KAT2B: variants seen among roughly 807,000 people sequenced by gnomAD.
KAT2B encodes histone acetyltransferase KAT2B.
In KAT2B, 36 loss-of-function variants were observed where a neutral mutation model predicts 105.9. That is an observed-to-expected ratio of 0.34 (90% CI 0.26 to 0.45). KAT2B has a LOEUF of 0.45. Among genes scored for constraint, KAT2B ranks in the 20% least tolerant of loss-of-function variants. The pLI, the probability that KAT2B is intolerant of heterozygous loss-of-function variation, is 1.00. For synonymous variants in KAT2B, 397 were observed against 377.9 expected (o/e 1.05, Z -0.59); for missense variants, 820 against 1,021.6 (o/e 0.80, Z 2.69).
rs749809492 is a variant in KAT2B at position 20,101,401 on chromosome 3, G to A, written c.784G>A (p.Ala262Thr). The change falls in exon 5 of 18, where the codon GCA becomes ACA. Residue 262 changes from alanine (A) to threonine (T), a missense_variant. This residue lies in a region of KAT2B where 173 missense variants were observed against 249.5 expected (regional missense o/e 0.69). Coordinates refer to ENST00000263754, the MANE Select transcript of KAT2B (RefSeq NM_003884.5). ...CCGCATCAACTATTGGCATCTGGAG[G>A]CACCATCTCAACGAAGACTGCGATC... ...LNRINYWHLE[A>T]PSQRRLRSPN... The A allele has an allele frequency of 1.9e-6, 3 of 1,614,008 alleles. No homozygotes were observed. The highest frequency in any genetic ancestry group is 2.2e-5 in the East Asian group (1 of 44,866).
intron 1 of KAT2B, among the ~76,000 whole-genome samples, chr3:20,061,927 C>CATAAT (rs1559513815): frequency 2.1e-5 from 2 of 96,130 alleles, no homozygotes; most frequent in Non-Finnish European, 3.8e-5. Flanking sequence ...TATTATATAT[C>CATAAT]ATATATAAAA....
rs192151902 is a variant in KAT2B, at chr3:20,141,413, C to T, written c.2004+1049C>T. Among the ~76,000 whole-genome samples, 271 of 151,974 alleles carry T rather than the reference C, an allele frequency of 1.8e-3. 5 individuals are homozygous for T. Among genetic ancestry groups the T allele is most frequent in the Non-Finnish European group, 1.1e-3 (72 of 67,926 alleles). On this transcript the variant is annotated intron_variant, in intron 13 of 17. Coordinates refer to ENST00000263754, the MANE Select transcript of KAT2B (RefSeq NM_003884.5). ...ATGAAAAGAACAGAACTGGGGAGTA[C>T]ACAAAGGCCATTTATTGAAAGAAAG...
intron 11 of KAT2B, among the ~76,000 whole-genome samples, chr3:20,132,915 G>A (rs758847449): frequency 3.9e-5 from 6 of 152,136 alleles, no homozygotes; most frequent in East Asian, 1.9e-4. Context: ...ATCGACATCC[G>A]TGTTAAAGTG....
At chr3:20,074,426 C>T (rs1484510574) in intron 2 of KAT2B, among the ~76,000 whole-genome samples, 1 of 152,088 alleles carries the variant, frequency 6.6e-6, no homozygotes, top group African/African-American at 2.4e-5. Flanking sequence ...TTTTTCAACT[C>T]TGAAATGGGT....
At chr3:20,148,587 G>A (rs1699817041) in intron 17 of KAT2B, 100 bp downstream of exon 17, 2 of 848,482 alleles carry the variant, frequency 2.4e-6, no homozygotes, top group Admixed American at 5.0e-5. Context: ...TCTGCTTAGG[G>A]TAGGAAGTGT....
At chr3:20,089,399 C>CTT (rs60958319) in intron 2 of KAT2B, among the ~76,000 whole-genome samples, 14 of 124,056 alleles carry the variant, frequency 1.1e-4, no homozygotes, top group Middle Eastern at 3.6e-3. Flanking sequence ...GTCTTCTTCA[C>CTT]TTTTTTTTTT....
Position 20,119,741 on chromosome 3 carries a change from GA to G in KAT2B, c.1276+19del, listed in dbSNP as rs771014472. The G allele has an allele frequency of 9.9e-6, 16 of 1,613,470 alleles. No individual in the cohort carries two copies. Among genetic ancestry groups the G allele is most frequent in the Non-Finnish European group, 1.3e-5 (15 of 1,179,622 alleles). The stretch of plus-strand genomic sequence containing the variant: ...AAACCCAGGTAAGCTCTTAAGAGGG[GA>G]TAAGAGAGGGCTGTGACTTGCTCCA... On this transcript the variant is annotated intron_variant, in intron 8 of 17. Transcript: ENST00000263754.
At chr3:20,109,340 A>T (rs6788814) in intron 5 of KAT2B, among the ~76,000 whole-genome samples, 2 of 151,976 alleles carry the variant, frequency 1.3e-5, no homozygotes, top group South Asian at 2.1e-4. Flanking sequence ...TCAGTGTCTC[A>T]TTCTGTCACT....
At chr3:20,090,798 A>G (rs1361131455) in intron 2 of KAT2B, among the ~76,000 whole-genome samples, 2 of 152,120 alleles carry the variant, frequency 1.3e-5, no homozygotes, top group Admixed American at 1.3e-4. Flanking sequence ...ATAGTGGCAC[A>G]AGCATGGGTC....
intron 5 of KAT2B, among the ~76,000 whole-genome samples, chr3:20,104,879 GTTGTTTTT>G (rs891345939): frequency 6.7e-5 from 6 of 89,946 alleles, no homozygotes; most frequent in Middle Eastern, 5.4e-3. Flanking sequence ...TTCTTTTTTT[GTTGTTTTT>G]TTGTTTTTTT....
intron 11 of KAT2B, among the ~76,000 whole-genome samples, chr3:20,129,359 C>G (rs1416240444): frequency 4.0e-5 from 6 of 148,258 alleles, no homozygotes; most frequent in Non-Finnish European, 7.4e-5. Context: ...ACATTACATT[C>G]TTTGTTCTGT....
At chr3:20,062,742 G>A (rs1044382192) in intron 1 of KAT2B, among the ~76,000 whole-genome samples, 3 of 151,858 alleles carry the variant, frequency 2.0e-5, no homozygotes, top group Non-Finnish European at 2.9e-5. Flanking sequence ...GATTACAGGC[G>A]TGAGTCACCG....
intron 1 of KAT2B, among the ~76,000 whole-genome samples, chr3:20,049,670 G>C (rs1196932470): frequency 2.0e-5 from 3 of 151,472 alleles, no homozygotes; most frequent in African/African-American, 7.3e-5. Flanking sequence ...TATGTTCAAA[G>C]GATTTTCTAG....
rs560649021 is a variant in KAT2B at position 20,041,938 on chromosome 3, A to C, written c.303+1158A>C. ...GCAGGAGCTTCTCAGTCACAATGGA[A>C]TGTCTATGCTTGCTCTTTTTCCACA... On this transcript the variant is annotated intron_variant, in intron 1 of 17. Coordinates refer to ENST00000263754, the MANE Select transcript of KAT2B (RefSeq NM_003884.5). Among the ~76,000 whole-genome samples, 5 of 152,316 alleles carry C rather than the reference A, an allele frequency of 3.3e-5. No individual in the cohort carries two copies. The East Asian group carries it at 9.6e-4, about 29-fold the overall frequency.
chr3:20,104,715 C>T (rs1291021965), intron 5 of KAT2B, among the ~76,000 whole-genome samples: 1 of 152,142 alleles, frequency 6.6e-6, no homozygotes, highest in African/African-American at 2.4e-5. Flanking sequence ...TGAAGTTAAA[C>T]AGGATTCTTT....
chr3:20,142,030 C>T (rs550681379), intron 13 of KAT2B, among the ~76,000 whole-genome samples: 13 of 152,298 alleles, frequency 8.5e-5, no homozygotes, highest in African/African-American at 2.9e-4. Flanking sequence ...GCCATCACCC[C>T]GCTGTCAGCT....
At chr3:20,120,326 T>C (rs1310115632) in intron 8 of KAT2B, among the ~76,000 whole-genome samples, 1 of 151,972 alleles carries the variant, frequency 6.6e-6, no homozygotes, top group African/African-American at 2.4e-5. Context: ...CTCCTGGGTT[T>C]AAGTGACTCT....
intron 2 of KAT2B, among the ~76,000 whole-genome samples, chr3:20,082,722 G>A (rs943259123): frequency 6.6e-6 from 1 of 152,156 alleles, no homozygotes; most frequent in African/African-American, 2.4e-5. Context: ...TGCCAACGTA[G>A]ATATGGCTTT....
chr3:20,053,412 GTAGTCC>G (rs1181878059), intron 1 of KAT2B, among the ~76,000 whole-genome samples: 1 of 152,194 alleles, frequency 6.6e-6, no homozygotes, highest in Non-Finnish European at 1.5e-5. Flanking sequence ...GCACATGTCT[GTAGTCC>G]TAGCTACTCA....
Sources: allele counts gnomAD v4.1 joint callset (sites outside exome capture counted in the v4.1 genomes callset), GRCh38; gene constraint gnomAD v4.1.1; regional missense constraint gnomAD v4.1.1; transcripts MANE v1.5; gene names NCBI Gene and HGNC (gene_info 2026-07-23, HGNC 2026-07-21).